CTBP1: variants seen among roughly 807,000 people sequenced by gnomAD.
CTBP1 encodes the protein C-terminal binding protein 1.
In CTBP1, 11 loss-of-function variants were observed where a neutral mutation model predicts 42.1. That is an observed-to-expected ratio of 0.26 (90% CI 0.16 to 0.43). The LOEUF is 0.43. Among genes scored for constraint, CTBP1 ranks in the 20% least tolerant of loss-of-function variants. The probability of loss-of-function intolerance (pLI) is 1.00; values close to 1 mark genes in which losing one functional copy is unlikely to be tolerated. For missense variants in CTBP1, 399 were observed against 624.3 expected, an observed-to-expected ratio of 0.64 and a Z score of 3.85; for synonymous variants, 324 against 277.1, an observed-to-expected ratio of 1.17 and a Z score of -1.68.
chr4:1,248,297 G>A (rs1042853297), intron 1 of CTBP1, among the ~76,000 whole-genome samples: 1 of 151,796 alleles, frequency 6.6e-6, no homozygotes, highest in Non-Finnish European at 1.5e-5. Context: ...GGGCCCTCCC[G>A]CGTCACCGCC....
chr4:1,220,153 G>C (rs555125119), intron 5 of CTBP1, among the ~76,000 whole-genome samples: 1 of 147,452 alleles, frequency 6.8e-6, no homozygotes, highest in Non-Finnish European at 1.5e-5. Flanking sequence ...AGTGAGCCGA[G>C]ATCATGCCAC....
intron 5 of CTBP1, chr4:1,223,429 T>C (rs540176828): frequency 8.8e-5 from 40 of 455,712 alleles, no homozygotes; most frequent in African/African-American, 7.8e-4. Context: ...AACCTAGGTG[T>C]GGCCGCCTCA....
intron 5 of CTBP1, among the ~76,000 whole-genome samples, chr4:1,222,796 G>T (rs1161651626): frequency 6.6e-6 from 1 of 152,122 alleles, no homozygotes. Context: ...GTGGCCACGG[G>T]AAGAGCCCGG....
At chr4:1,241,593 G>A (rs913604127) in intron 1 of CTBP1, 74 bp from the exon 2 acceptor site, 15 of 1,478,882 alleles carry the variant, frequency 1.0e-5, no homozygotes, top group East Asian at 2.7e-5. Context: ...TCCAGGGAAC[G>A]CCTCAGAAGT....
chr4:1,214,216 A>G, intron 7 of CTBP1, 127 bp downstream of exon 7: 1 of 1,250,328 alleles, frequency 8.0e-7, no homozygotes, highest in South Asian at 1.8e-5. Flanking sequence ...AAACTCCCCC[A>G]CTGCTGGCCA....
Position 1,213,507 on chromosome 4 carries a change from G to A in CTBP1, c.959C>T (p.Ala320Val). The change falls in exon 8 of 10, where the codon GCG (alanine) becomes GTG (valine). Residue 320 changes from alanine (A) to valine (V), a missense_variant. This residue lies in a region of CTBP1 where 309 missense variants were observed against 497.5 expected (regional missense o/e 0.62). Transcript: ENST00000382952. ...GATGGCTCTGCGGATCTCCCGTGCC[G>A]CCTCCTCTCGCATCTCGATGGATGC... ...EQASIEMREEAAREIRRAITG... is the reference protein window; with the variant it reads ...EQASIEMREEVAREIRRAITG... The A allele has an allele frequency of 2.5e-6, 4 of 1,612,432 alleles. No individual in the cohort carries two copies. The highest frequency in any genetic ancestry group is 3.4e-6 in the Non-Finnish European group (4 of 1,179,894).
At chr4:1,225,330 G>A in intron 5 of CTBP1, 30 bp downstream of exon 5, 3 of 1,526,924 alleles carry the variant, frequency 2.0e-6, no homozygotes, top group Middle Eastern at 2.2e-4. Flanking sequence ...CACAGGGAGG[G>A]ACACAGGCGT....
intron 4 of CTBP1, among the ~76,000 whole-genome samples, chr4:1,225,796 A>G (rs1730274023): frequency 6.6e-6 from 1 of 152,120 alleles, no homozygotes; most frequent in African/African-American, 2.4e-5. Flanking sequence ...GGCAGCACAC[A>G]CACGGCAACT....
At chr4:1,237,678 T>C (rs372900971) in intron 3 of CTBP1, 2 of 451,972 alleles carry the variant, frequency 4.4e-6, no homozygotes, top group Non-Finnish European at 8.3e-6. Context: ...ACAAACCCCG[T>C]GTCCACCTCC....
chr4:1,214,911 C>T (rs914763431), intron 6 of CTBP1, among the ~76,000 whole-genome samples: 2 of 152,268 alleles, frequency 1.3e-5, no homozygotes, highest in African/African-American at 2.4e-5. Context: ...CCAACCCCAG[C>T]GGGGCCTGCA....
chr4:1,243,127 A>G lies in CTBP1; in HGVS notation c.-188-1608T>C, dbSNP rs576597808. 734 of 985,408 alleles carry G rather than the reference A, an allele frequency of 7.4e-4. 9 individuals are homozygous for G. In the African/African-American group the frequency reaches 0.011, roughly 15 times the overall value. The allele number at this position is 985,408 out of a possible 1,614,324, so 61.0% of individuals were successfully genotyped here. Reference sequence around the variant, plus strand: ...GGCCCAGTACCGGCTGCTGCTCGTCAAGACCGGCCAATACTCAATACTGCC... The same window carrying G: ...GGCCCAGTACCGGCTGCTGCTCGTCGAGACCGGCCAATACTCAATACTGCC... On this transcript the variant is annotated intron_variant, in intron 1 of 9. Transcript: ENST00000382952.
In CTBP1 at chr4:1,212,237, G is replaced by A. The variant is rs752660628; in HGVS notation, c.*3C>T. On this transcript the variant is annotated 3_prime_UTR_variant, in exon 10 of 10. Coordinates refer to ENST00000382952, the MANE Select transcript of CTBP1 (RefSeq NM_001012614.2). ...GCGCCGAGGCTGGAGAGCTCCTCCCGGGCTACAACTGGTCACTGGCGTGGT... is the reference window on the plus strand; with the variant it reads ...GCGCCGAGGCTGGAGAGCTCCTCCCAGGCTACAACTGGTCACTGGCGTGGT... The A allele has an allele frequency of 1.2e-5, 17 of 1,469,446 alleles. No homozygotes were observed. The South Asian group carries it at 1.2e-4, about 10-fold the overall frequency. 91.0% of individuals were successfully genotyped at this position (1,469,446 alleles called of 1,614,324 possible).
At chr4:1,240,108 C>G (rs550588596) in intron 2 of CTBP1, among the ~76,000 whole-genome samples, 1 of 152,386 alleles carries the variant, frequency 6.6e-6, no homozygotes, top group South Asian at 2.1e-4. Context: ...GACCGCTCGG[C>G]TGCGTCAGAA....
intron 2 of CTBP1, 26 bp downstream of exon 2, chr4:1,241,299 C>T (rs75177222): frequency 1.2e-5 from 10 of 804,444 alleles, no homozygotes; most frequent in Non-Finnish European, 2.0e-5. Flanking sequence ...TTCACTCTGC[C>T]GCCGACGCCA....
Position 1,229,973 on chromosome 4 carries a change from AC to A in CTBP1, c.163-1631del, listed in dbSNP as rs375990383. 2.2e-3 allele frequency among the ~76,000 whole-genome samples: 329 copies of A among 152,240 alleles called. 1 individual carries two copies. The highest frequency in any genetic ancestry group is 7.7e-3 in the African/African-American group (319 of 41,550). On this transcript the variant is annotated intron_variant, in intron 3 of 9. Coordinates refer to ENST00000382952, the MANE Select transcript of CTBP1 (RefSeq NM_001012614.2). The stretch of plus-strand genomic sequence containing the variant: ...TCCAGGAAGAAGGGAAGGTTGGAGC[AC>A]CTCGGCTGCAGGAGGCAGGGAGGCA...
chr4:1,246,689 T>G lies in CTBP1; in HGVS notation c.-189+2227A>C, dbSNP rs377012532. Among the ~76,000 whole-genome samples the G allele has an allele frequency of 6.2e-4, 94 of 152,222 alleles. 1 individual carries two copies. In the South Asian group the frequency reaches 0.018, roughly 29 times the overall value. On this transcript the variant is annotated intron_variant, in intron 1 of 9. Transcript: ENST00000382952. ...AGGAAGTTGAGAGGGCAAGTGACAG[T>G]CAGAGGAGAAAAACCAGAAAAACTG... is the stretch of plus-strand genomic sequence containing the variant.
chr4:1,225,608 C>T (rs530153623), intron 4 of CTBP1, 42 bp from the exon 5 acceptor site: 906 of 1,518,926 alleles, frequency 6.0e-4, no homozygotes, highest in South Asian at 7.8e-4. Context: ...GGGCCGGGCC[C>T]AGCCTCCGGG....
intron 1 of CTBP1, chr4:1,244,060 C>T (rs1249874435): frequency 3.0e-6 from 3 of 985,316 alleles, no homozygotes; most frequent in Non-Finnish European, 3.6e-6. Flanking sequence ...TGAGGGGCAG[C>T]AGCCCCCAGG....
intron 4 of CTBP1, among the ~76,000 whole-genome samples, chr4:1,225,808 C>T (rs983456379): frequency 1.3e-5 from 2 of 152,172 alleles, no homozygotes; most frequent in African/African-American, 4.8e-5. Flanking sequence ...ACGGCAACTG[C>T]TCGGTGTGTG....
Sources: allele counts gnomAD v4.1 joint callset (sites outside exome capture counted in the v4.1 genomes callset), GRCh38; gene constraint gnomAD v4.1.1; regional missense constraint gnomAD v4.1.1; transcripts MANE v1.5; gene names NCBI Gene and HGNC (gene_info 2026-07-23, HGNC 2026-07-21).